The following SMG6 variants were observed in gnomAD, a reference collection of about 807,000 sequenced individuals.
The protein encoded by SMG6 is SMG6 nonsense mediated mRNA decay factor.
Under a neutral mutation model 142.2 loss-of-function variants are expected in SMG6, and 66 were observed. That is an observed-to-expected ratio of 0.46 (90% CI 0.38 to 0.57). SMG6 has a LOEUF of 0.57. SMG6 is among the 20% of genes least tolerant of loss of function. The pLI, the probability that SMG6 is intolerant of heterozygous loss-of-function variation, is 0.00. For synonymous variants in SMG6, 779 were observed against 702.4 expected (o/e 1.11, Z -1.72); for missense variants, 1,793 against 1,832.0 (o/e 0.98, Z 0.39).
rs867280691 is a variant in SMG6, at chr17:2,061,566, G to A, written c.4186C>T (p.Arg1396Cys). Reference sequence around the variant, plus strand: ...ACATTCCTTGTGAGCGCCTTCACACGCAGGTTCCGGTCATCCGTCAACAGC... The same window carrying A: ...ACATTCCTTGTGAGCGCCTTCACACACAGGTTCCGGTCATCCGTCAACAGC... ...VVLLTDDRNL[R>C]VKALTRNVPV... Residue 1396 changes from arginine (R) to cysteine (C), a missense_variant, in exon 19 of 19, where the codon CGT becomes TGT. Transcript: ENST00000263073. The A allele has an allele frequency of 1.7e-5, 26 of 1,572,300 alleles. No individual in the cohort carries two copies. Among genetic ancestry groups the A allele is most frequent in the South Asian group, 4.7e-5 (4 of 85,804 alleles).
At chr17:2,112,266 A>C (rs1188394699) in intron 13 of SMG6, among the ~76,000 whole-genome samples, 1 of 151,580 alleles carries the variant, frequency 6.6e-6, no homozygotes, top group Non-Finnish European at 1.5e-5. Context: ...GCACTTTGGG[A>C]GGCTGAGGCG....
intron 13 of SMG6, among the ~76,000 whole-genome samples, chr17:2,161,487 C>A (rs2151625933): frequency 6.6e-6 from 1 of 151,880 alleles, no homozygotes; most frequent in East Asian, 1.9e-4. Flanking sequence ...CCTCGGCTCA[C>A]TAATCTTCAG....
chr17:2,281,541 G>C (rs868509428), intron 8 of SMG6, among the ~76,000 whole-genome samples: 4 of 152,002 alleles, frequency 2.6e-5, no homozygotes, highest in Non-Finnish European at 5.9e-5. Flanking sequence ...CCATTTCTTG[G>C]TTCAAGTCTT....
intron 10 of SMG6, among the ~76,000 whole-genome samples, chr17:2,196,622 G>A (rs904094042): frequency 2.0e-5 from 3 of 152,156 alleles, no homozygotes; most frequent in African/African-American, 4.8e-5. Context: ...AACGTTTCAC[G>A]TAGATAAAGA....
chr17:2,113,504 G>A (rs2069404123), intron 13 of SMG6, among the ~76,000 whole-genome samples: 2 of 152,192 alleles, frequency 1.3e-5, no homozygotes, highest in Admixed American at 1.3e-4. Flanking sequence ...AGCCGGCTTG[G>A]GAAAGGGTGC....
chr17:2,126,144 C>T (rs1483687118), intron 13 of SMG6, among the ~76,000 whole-genome samples: 1 of 152,040 alleles, frequency 6.6e-6, no homozygotes, highest in East Asian at 1.9e-4. Context: ...CTCACAAATA[C>T]AGGGTCAACT....
chr17:2,122,288 G>C (rs1311001602), intron 13 of SMG6: 1 of 152,088 alleles, frequency 6.6e-6, no homozygotes, highest in Non-Finnish European at 1.5e-5. Context: ...CAACTTTGCT[G>C]TATAATAAAA....
chr17:2,065,328 G>T, intron 17 of SMG6, 140 bp downstream of exon 17: 1 of 971,392 alleles, frequency 1.0e-6, no homozygotes, highest in Non-Finnish European at 1.6e-6. Context: ...ACTTAGGGGA[G>T]AAGGAACTCC....
Position 2,085,840 on chromosome 17 carries a change from C to T in SMG6, c.3419G>A (p.Gly1140Glu), listed in dbSNP as rs1471320848. Residue 1140 changes from glycine (G) to glutamate (E), a missense_variant, in exon 14 of 19, where the codon GGA becomes GAA. Physicochemically the swap from Gly to Glu is moderately conservative, Grantham distance 98 (BLOSUM62 -2). Coordinates refer to ENST00000263073, the MANE Select transcript of SMG6 (RefSeq NM_017575.5). The surrounding 1 kb of genome is among the most constrained non-coding windows in gnomAD (Gnocchi z 4.1). ...GAATGCCAGCAGAGGCTCTTCTTGT[C>T]CACAAAGGGCTTCCAGAAAATACTT... ...VLKYFLEALC[G>E]QEEPLLAFKG... 6.2e-7 allele frequency: 1 copy of T among 1,614,204 alleles called. No homozygotes were observed.
intron 10 of SMG6, among the ~76,000 whole-genome samples, chr17:2,224,622 G>A (rs2073264397): frequency 6.6e-6 from 1 of 152,104 alleles, no homozygotes; most frequent in Non-Finnish European, 1.5e-5. Context: ...TAAGCCTGAT[G>A]TATGTCTTAT....
At chr17:2,246,670 G>A (rs796428478) in intron 8 of SMG6, among the ~76,000 whole-genome samples, 5 of 152,338 alleles carry the variant, frequency 3.3e-5, no homozygotes, top group African/African-American at 1.2e-4. Context: ...AAGAGGCCGG[G>A]TGCAGTGGCT....
chr17:2,225,148 G>T (rs1041182014), intron 10 of SMG6, among the ~76,000 whole-genome samples: 14 of 151,972 alleles, frequency 9.2e-5, no homozygotes, highest in Admixed American at 7.9e-4. Flanking sequence ...CAGATAGAGG[G>T]TCTGAAATGC....
At chr17:2,173,568 T>C (rs1196260291) in intron 12 of SMG6, among the ~76,000 whole-genome samples, 2 of 152,148 alleles carry the variant, frequency 1.3e-5, no homozygotes. Flanking sequence ...CTATTCCGGT[T>C]TGTGTGGGAC....
chr17:2,085,980 G>C lies in SMG6; in HGVS notation c.3358-79C>G. On this transcript the variant is annotated intron_variant, in intron 13 of 18. Transcript: ENST00000263073. The surrounding 1 kb of genome is among the most constrained non-coding windows in gnomAD (Gnocchi z 4.1). ...AGACGAGATGTTGCTTGCCGGCTGA[G>C]GGGCACAGGGGAACTGTGTCAAAGC... 1 of 1,419,818 alleles carries C rather than the reference G, an allele frequency of 7.0e-7. No individual in the cohort carries two copies. Among genetic ancestry groups the C allele is most frequent in the Non-Finnish European group, 9.9e-7 (1 of 1,008,120 alleles). The allele number at this position is 1,419,818 out of a possible 1,614,324, so 88.0% of individuals were successfully genotyped here. A position where few individuals can be genotyped will look rare whatever the true frequency, so the allele number is the denominator to read the frequency against.
intron 10 of SMG6, among the ~76,000 whole-genome samples, chr17:2,192,918 C>T (rs2072210234): frequency 6.6e-6 from 1 of 152,144 alleles, no homozygotes; most frequent in Non-Finnish European, 1.5e-5. Flanking sequence ...CATTTTATTC[C>T]CTGAGGAGCA....
In SMG6 at chr17:2,299,358, A is replaced by T. The variant is rs765119963; in HGVS notation, c.1395T>A (p.Pro465=). 11 of 1,613,978 alleles carry T rather than the reference A, an allele frequency of 6.8e-6. No individual in the cohort carries two copies. The highest frequency in any genetic ancestry group is 8.5e-7 in the Non-Finnish European group (1 of 1,180,062). Residue 465 remains proline (P), a synonymous_variant, in exon 2 of 19, where the codon CCT becomes CCA. Transcript: ENST00000263073. The surrounding 1 kb of genome is among the most constrained non-coding windows in gnomAD (Gnocchi z 4.3). ...GCTGGGGCGTCTGAGTCTTTAGAGC[A>T]GGTTTCTGATCAGGATTGTTTGGGT... The part of the protein sequence containing the change: ...LWDPNNPDQK[P]ALKTQTPQLH...
At chr17:2,124,025 T>G (rs575392749) in intron 13 of SMG6, among the ~76,000 whole-genome samples, 1 of 152,288 alleles carries the variant, frequency 6.6e-6, no homozygotes, top group Non-Finnish European at 1.5e-5. Flanking sequence ...AGCACTCCTG[T>G]GTACAGCTCA....
chr17:2,115,537 C>T (rs922690145), intron 13 of SMG6, among the ~76,000 whole-genome samples: 1 of 151,912 alleles, frequency 6.6e-6, no homozygotes, highest in African/African-American at 2.4e-5. Context: ...AGAAATAGAC[C>T]CAAACATATA....
In SMG6 at chr17:2,155,483, G is replaced by T. The variant is rs569046783; in HGVS notation, c.3357+17175C>A. Reference sequence around the variant, plus strand: ...GAGGATAGCCACCTCCAAAGATATAGCAGATTAAATGAAAAAGTATGCCTC... The same window carrying T: ...GAGGATAGCCACCTCCAAAGATATATCAGATTAAATGAAAAAGTATGCCTC... On this transcript the variant is annotated intron_variant, in intron 13 of 18. Coordinates refer to ENST00000263073, the MANE Select transcript of SMG6 (RefSeq NM_017575.5). Among the ~76,000 whole-genome samples the T allele has an allele frequency of 1.2e-3, 185 of 152,276 alleles. 1 individual carries two copies. The highest frequency in any genetic ancestry group is 2.3e-3 in the Non-Finnish European group (154 of 68,024).
Sources: gnomAD v4.1 joint callset for allele counts (sites outside exome capture counted in the v4.1 genomes callset) on GRCh38, gnomAD v4.1.1 for gene constraint, Gnocchi (gnomAD v3.1) non-coding constraint, MANE v1.5 for transcripts, NCBI Gene and HGNC (gene_info 2026-07-23, HGNC 2026-07-21) for gene names.